PITPNC1: variants seen among roughly 807,000 people sequenced by gnomAD.
PITPNC1 encodes cytoplasmic phosphatidylinositol transfer protein 1.
Under a neutral mutation model 44.7 loss-of-function variants are expected in PITPNC1, and 18 were observed. The ratio of observed to expected loss-of-function variants is 0.40; its 90% CI spans 0.28 to 0.60. The LOEUF (loss-of-function observed/expected upper bound fraction) is 0.60. Among genes scored for constraint, PITPNC1 ranks in the 20% least tolerant of loss-of-function variants. The pLI, the probability that PITPNC1 is intolerant of heterozygous loss-of-function variation, is 0.39. For missense variants in PITPNC1, 290 were observed against 418.4 expected (o/e 0.69, Z 2.68); for synonymous variants, 141 against 149.6 (o/e 0.94, Z 0.42).
intron 7 of PITPNC1, among the ~76,000 whole-genome samples, chr17:67,671,107 C>T (rs906505984): frequency 2.6e-5 from 4 of 152,088 alleles, no homozygotes; most frequent in East Asian, 3.9e-4. Context: ...GGGATGGTCT[C>T]GATCTCTTGA....
intron 7 of PITPNC1, among the ~76,000 whole-genome samples, chr17:67,672,082 T>A (rs149656657): frequency 2.7e-4 from 41 of 152,004 alleles, no homozygotes; most frequent in African/African-American, 9.4e-4. Context: ...CACAGGTGCA[T>A]GCCACCACAC....
At chr17:67,420,293 C>G (rs2143863936) in intron 1 of PITPNC1, among the ~76,000 whole-genome samples, 1 of 152,176 alleles carries the variant, frequency 6.6e-6, no homozygotes, top group South Asian at 2.1e-4. Context: ...CAATGTGTGA[C>G]CAAATTTCTA....
At chr17:67,391,479 T>G (rs778881975) in intron 1 of PITPNC1, among the ~76,000 whole-genome samples, 31 of 151,732 alleles carry the variant, frequency 2.0e-4, no homozygotes, top group Admixed American at 3.3e-4. Context: ...GTTTATGTAT[T>G]TATTTATTTA....
intron 1 of PITPNC1, among the ~76,000 whole-genome samples, chr17:67,453,058 T>G (rs915443358): frequency 1.9e-4 from 29 of 152,200 alleles, no homozygotes; most frequent in African/African-American, 6.8e-4. Flanking sequence ...GTTATATATA[T>G]AAAGCTTCTG....
At chr17:67,547,304 C>T (rs763259952) in intron 2 of PITPNC1, among the ~76,000 whole-genome samples, 4 of 152,108 alleles carry the variant, frequency 2.6e-5, no homozygotes, top group African/African-American at 9.7e-5. Flanking sequence ...TGCTTGAGCC[C>T]AGGAGTTTGA....
At chr17:67,648,075 G>A (rs1266984774) in intron 6 of PITPNC1, among the ~76,000 whole-genome samples, 7 of 152,252 alleles carry the variant, frequency 4.6e-5, no homozygotes, top group Non-Finnish European at 1.0e-4. Context: ...AGACTGATTG[G>A]CTTATTGAAC....
chr17:67,465,853 C>T (rs1950736929), intron 1 of PITPNC1, among the ~76,000 whole-genome samples: 1 of 151,832 alleles, frequency 6.6e-6, no homozygotes, highest in African/African-American at 2.4e-5. Flanking sequence ...AAGGGATTCT[C>T]ATGGAGATGA....
intron 1 of PITPNC1, among the ~76,000 whole-genome samples, chr17:67,485,642 C>T (rs1047678832): frequency 3.3e-5 from 5 of 152,190 alleles, no homozygotes; most frequent in East Asian, 1.9e-4. Flanking sequence ...CCGCCGCACC[C>T]GGCCAATTAG....
intron 1 of PITPNC1, among the ~76,000 whole-genome samples, chr17:67,460,463 A>C (rs1374950122): frequency 3.3e-5 from 5 of 151,820 alleles, no homozygotes; most frequent in Admixed American, 6.6e-5. Flanking sequence ...TCACTCTGTC[A>C]GCCAGGCTGG....
intron 5 of PITPNC1, among the ~76,000 whole-genome samples, chr17:67,599,481 G>A (rs542739862): frequency 6.6e-6 from 1 of 152,280 alleles, no homozygotes; most frequent in East Asian, 1.9e-4. Context: ...TAATGGGAGG[G>A]AAATGGAAGA....
intron 1 of PITPNC1, among the ~76,000 whole-genome samples, chr17:67,425,205 A>C (rs28498239): frequency 2.3e-5 from 1 of 43,650 alleles, no homozygotes; most frequent in African/African-American, 1.5e-4. Context: ...ACGCACACGC[A>C]CACACACACA....
intron 1 of PITPNC1, among the ~76,000 whole-genome samples, chr17:67,390,976 C>G (rs1321939764): frequency 6.6e-6 from 1 of 152,064 alleles, no homozygotes; most frequent in Admixed American, 6.6e-5. Context: ...AACTCCTCAT[C>G]GGACGTTAGT....
intron 1 of PITPNC1, among the ~76,000 whole-genome samples, chr17:67,397,371 G>A (rs1454844967): frequency 1.3e-5 from 2 of 152,010 alleles, no homozygotes; most frequent in African/African-American, 2.4e-5. Context: ...GCTTCATCAC[G>A]GATTCATCTA....
intron 1 of PITPNC1, among the ~76,000 whole-genome samples, chr17:67,423,697 A>G (rs906009974): frequency 5.3e-5 from 8 of 152,070 alleles, no homozygotes; most frequent in South Asian, 2.1e-4. Context: ...TTTCCATCCT[A>G]TAGTTCTGGA....
intron 1 of PITPNC1, among the ~76,000 whole-genome samples, chr17:67,485,637 G>A (rs547442566): frequency 2.6e-5 from 4 of 152,110 alleles, no homozygotes; most frequent in South Asian, 2.1e-4. Flanking sequence ...CTCAGCCGCC[G>A]CACCCGGCCA....
chr17:67,667,223 G>A (rs774239816), intron 6 of PITPNC1, among the ~76,000 whole-genome samples: 96 of 152,028 alleles, frequency 6.3e-4, no homozygotes, highest in Non-Finnish European at 3.4e-4. Flanking sequence ...GCAGCTGCAC[G>A]TCTTCTTTAT....
intron 1 of PITPNC1, among the ~76,000 whole-genome samples, chr17:67,405,860 G>T (rs1475687813): frequency 6.6e-6 from 1 of 152,024 alleles, no homozygotes; most frequent in Non-Finnish European, 1.5e-5. Flanking sequence ...TCCCGCCTTG[G>T]CCTCCCAAAG....
rs147409101 is a variant in PITPNC1 at position 67,429,046 on chromosome 17, G to C, written c.48+50844G>C. 9.6e-3 allele frequency among the ~76,000 whole-genome samples: 1,459 copies of C among 151,714 alleles called. 30 individuals are homozygous for C. The highest frequency in any genetic ancestry group is 0.031 in the African/African-American group (1,272 of 41,376). ...AGTAGAGACGGGGTTTCTCCATGTTGGTCAGGCTGGTCTCGAACTCCCGAC... is the reference window on the plus strand; with the variant it reads ...AGTAGAGACGGGGTTTCTCCATGTTCGTCAGGCTGGTCTCGAACTCCCGAC... On this transcript the variant is annotated intron_variant, in intron 1 of 8. Transcript: ENST00000581322.
At chr17:67,583,850 C>T (rs2144242492) in intron 5 of PITPNC1, among the ~76,000 whole-genome samples, 1 of 149,674 alleles carries the variant, frequency 6.7e-6, no homozygotes, top group Non-Finnish European at 1.5e-5. Flanking sequence ...CGCCCGCCAC[C>T]ACGCCTGGCT....
Sources: allele counts gnomAD v4.1 joint callset (sites outside exome capture counted in the v4.1 genomes callset), GRCh38; gene constraint gnomAD v4.1.1; transcripts MANE v1.5; gene names NCBI Gene and HGNC (gene_info 2026-07-23, HGNC 2026-07-21).